Variants in MAST2 observed in about 807,000 individuals in gnomAD.
MAST2 encodes microtubule-associated serine/threonine-protein kinase 2.
MAST2 carries 70 observed loss-of-function variants against 147.4 expected under a neutral mutation model. The ratio of observed to expected loss-of-function variants is 0.47; its 90% CI spans 0.39 to 0.58. The LOEUF (loss-of-function observed/expected upper bound fraction) is 0.58. Ranked by LOEUF, MAST2 falls within the 20% of genes least tolerant of loss-of-function variation. MAST2 has a pLI of 0.00. For synonymous variants in MAST2, 869 were observed against 896.8 expected (o/e 0.97, Z 0.55); for missense variants, 2,080 against 2,302.3 (o/e 0.90, Z 1.98).
At position 46,035,674 on chromosome 1, in the gene MAST2, T is replaced by A. The variant is rs1052551583; in HGVS notation, c.5005T>A (p.Ser1669Thr). ...KSLIEGPDRASPSRKATMAGG... is the reference protein window; with the variant it reads ...KSLIEGPDRATPSRKATMAGG... ...CCTTATTGAGGGCCCAGACAGGGCA[T>A]CCCCAAGCAGAAAGGCAACCATGGC... Residue 1669 changes from serine (S) to threonine (T), a missense_variant, in exon 29 of 29, where the codon TCC (serine) becomes ACC (threonine). Physicochemically the swap from Ser to Thr is moderately conservative, Grantham distance 58 (BLOSUM62 1). Around this residue, in one of 4 missense-constraint regions of MAST2, gnomAD observed 1,278 missense variants for 1,304.2 expected, o/e 0.98. Transcript: ENST00000361297. The surrounding 1 kb of genome is among the most constrained non-coding windows in gnomAD (Gnocchi z 5.5). The A allele has an allele frequency of 5.0e-6, 8 of 1,613,644 alleles. No homozygotes were observed. Among genetic ancestry groups the A allele is most frequent in the Non-Finnish European group, 6.8e-6 (8 of 1,180,000 alleles).
At chr1:45,987,934 G>A (rs574108405) in intron 5 of MAST2, among the ~76,000 whole-genome samples, 1 of 151,540 alleles carries the variant, frequency 6.6e-6, no homozygotes, top group South Asian at 2.1e-4. Flanking sequence ...CTAATATAGT[G>A]TAGTGATATA....
intron 22 of MAST2, 84 bp downstream of exon 22, chr1:46,030,845 G>C: frequency 6.8e-7 from 1 of 1,481,404 alleles, no homozygotes; most frequent in Non-Finnish European, 9.0e-7. Flanking sequence ...CGATGCCAGG[G>C]AGGAGTGCAG....
chr1:46,011,337 G>A (rs1238921446), intron 10 of MAST2, among the ~76,000 whole-genome samples: 5 of 152,160 alleles, frequency 3.3e-5, no homozygotes, highest in Admixed American at 3.3e-4. Context: ...TTTATCCTCA[G>A]CCAAGGGAAA....
intron 10 of MAST2, 91 bp downstream of exon 10, chr1:46,011,030 T>A: frequency 8.8e-7 from 1 of 1,134,540 alleles, no homozygotes; most frequent in Non-Finnish European, 1.3e-6. Context: ...AGTGGTATTC[T>A]CAGTCTTCAC....
intron 4 of MAST2, among the ~76,000 whole-genome samples, chr1:45,934,023 A>C (rs1655799029): frequency 6.6e-6 from 1 of 151,964 alleles, no homozygotes; most frequent in African/African-American, 2.4e-5. Flanking sequence ...CACTCATGTA[A>C]TGAACGTAGT....
chr1:45,998,887 C>T (rs1039691423), intron 6 of MAST2, among the ~76,000 whole-genome samples: 7 of 152,232 alleles, frequency 4.6e-5, no homozygotes, highest in African/African-American at 7.2e-5. Context: ...GCCATCATTC[C>T]GAGCTAATTT....
At chr1:45,855,366 A>G (rs565784214) in intron 3 of MAST2, among the ~76,000 whole-genome samples, 2 of 152,042 alleles carry the variant, frequency 1.3e-5, no homozygotes, top group Admixed American at 1.3e-4. Context: ...CTGACCCATG[A>G]AAATAGTGTG....
At chr1:45,807,920 A>G (rs987939240) in intron 1 of MAST2, among the ~76,000 whole-genome samples, 10 of 152,230 alleles carry the variant, frequency 6.6e-5, no homozygotes, top group Admixed American at 2.0e-4. Context: ...TAAAAAGGCC[A>G]AAATTTTCAT....
At chr1:45,866,597 G>A (rs1646160819) in intron 3 of MAST2, among the ~76,000 whole-genome samples, 1 of 152,114 alleles carries the variant, frequency 6.6e-6, no homozygotes, top group Non-Finnish European at 1.5e-5. Flanking sequence ...TCAGTCTCTA[G>A]TATTTGCTAC....
In MAST2 at chr1:46,034,182, C is replaced by T. The variant is rs1326218355; in HGVS notation, c.3784C>T (p.Pro1262Ser). The change falls in exon 28 of 29, where the codon CCA (proline) becomes TCA (serine). Residue 1262 changes from proline (P) to serine (S), a missense_variant. By Grantham distance (74) the Pro-to-Ser change is moderately conservative (BLOSUM62 -1). Transcript: ENST00000361297. The part of the protein sequence containing the change: ...NRSLSSGESG[P>S]GSPTHSHSLS... ...CTCCTTGTCATCAGGGGAGAGTGGG[C>T]CAGGCTCTCCCACACACAGCCACAG... is the stretch of plus-strand genomic sequence containing the variant. 6.2e-7 allele frequency: 1 copy of T among 1,614,128 alleles called. No homozygotes were observed. The highest frequency in any genetic ancestry group is 1.7e-5 in the Admixed American group (1 of 60,020).
In MAST2 at chr1:46,027,045, A is replaced by G. The variant is rs925795003; in HGVS notation, c.1920-686A>G. On this transcript the variant is annotated intron_variant, in intron 16 of 28. Transcript: ENST00000361297. ...TTATTGTTTTTCACTGAGGAGGGGAACCAGTTGGGAGGCATGACTTTGTTT... is the reference window on the plus strand; with the variant it reads ...TTATTGTTTTTCACTGAGGAGGGGAGCCAGTTGGGAGGCATGACTTTGTTT... Among the ~76,000 whole-genome samples the G allele has an allele frequency of 3.9e-5, 6 of 152,152 alleles. No homozygotes were observed. In the South Asian group the frequency reaches 1.0e-3, roughly 26 times the overall value.
intron 18 of MAST2, 37 bp from the exon 19 acceptor site, chr1:46,029,429 C>G: frequency 6.4e-7 from 1 of 1,557,106 alleles, no homozygotes; most frequent in Non-Finnish European, 8.8e-7. Context: ...ACTCTACCCA[C>G]AATTTCTCCT....
In MAST2 at chr1:46,035,591, G is replaced by A; in HGVS notation, c.4922G>A (p.Ser1641Asn). Reference sequence around the variant, plus strand: ...AGCACTTCGGGACTCACCCCCACCAGCAGTTGCTCTCCTCCCAGCTCCACC... The same window carrying A: ...AGCACTTCGGGACTCACCCCCACCAACAGTTGCTCTCCTCCCAGCTCCACC... ...SPSTSGLTPT[S>N]SCSPPSSTSG... Residue 1641 changes from serine (S) to asparagine (N), a missense_variant, in exon 29 of 29, where the codon AGC becomes AAC. Physicochemically the swap from Ser to Asn is conservative, Grantham distance 46. This residue lies in a region of MAST2 where 1,278 missense variants were observed against 1,304.2 expected (regional missense o/e 0.98). Coordinates refer to ENST00000361297, the MANE Select transcript of MAST2 (RefSeq NM_015112.3). The surrounding 1 kb of genome is among the most constrained non-coding windows in gnomAD (Gnocchi z 5.5). 1 of 1,613,772 alleles carries A rather than the reference G, an allele frequency of 6.2e-7. No individual in the cohort carries two copies. The highest frequency in any genetic ancestry group is 1.1e-5 in the South Asian group (1 of 91,076).
intron 4 of MAST2, among the ~76,000 whole-genome samples, chr1:45,886,750 T>G (rs540919313): frequency 1.3e-5 from 2 of 152,344 alleles, no homozygotes; most frequent in Admixed American, 1.3e-4. Context: ...TCTGAATGGC[T>G]TTTCTTGCCC....
intron 5 of MAST2, among the ~76,000 whole-genome samples, chr1:45,976,928 T>G (rs1305747995): frequency 6.6e-6 from 1 of 152,196 alleles, no homozygotes; most frequent in Admixed American, 6.5e-5. Context: ...CAGGATCAAA[T>G]TTACACGTAT....
chr1:45,825,814 C>T (rs921863470), intron 2 of MAST2, among the ~76,000 whole-genome samples: 17 of 151,952 alleles, frequency 1.1e-4, no homozygotes, highest in South Asian at 1.0e-3. Context: ...TGGTGGCTCA[C>T]GCCCGTAATC....
intron 4 of MAST2, among the ~76,000 whole-genome samples, chr1:45,952,655 A>G (rs1366247806): frequency 6.6e-6 from 1 of 152,220 alleles, no homozygotes; most frequent in South Asian, 2.1e-4. Flanking sequence ...AACAGGAGCC[A>G]TAAGACTACA....
At chr1:45,922,688 T>A (rs1259837266) in intron 4 of MAST2, among the ~76,000 whole-genome samples, 2 of 152,156 alleles carry the variant, frequency 1.3e-5, no homozygotes, top group Non-Finnish European at 2.9e-5. Context: ...AGTTCAGAGA[T>A]GCCTGGGTCT....
At position 46,031,639 on chromosome 1, in the gene MAST2, T is replaced by G; in HGVS notation, c.3187+54T>G. The G allele has an allele frequency of 5.7e-4, 864 of 1,502,904 alleles. No individual in the cohort carries two copies. The highest frequency in any genetic ancestry group is 7.2e-4 in the Non-Finnish European group (783 of 1,093,894). 93.1% of individuals were successfully genotyped at this position (1,502,904 alleles called of 1,614,324 possible). On this transcript the variant is annotated intron_variant, in intron 24 of 28. Coordinates refer to ENST00000361297, the MANE Select transcript of MAST2 (RefSeq NM_015112.3). This position sits in a 1 kb window ranked among gnomAD's most constrained non-coding sequence, Gnocchi z 4.1. The stretch of plus-strand genomic sequence containing the variant: ...CTCACAGGAAGGGCCTTGTAATCTC[T>G]AGGCCTTGGGAGGGTTCTGCACGTG...
Sources: gnomAD v4.1 joint callset for allele counts (sites outside exome capture counted in the v4.1 genomes callset) on GRCh38, gnomAD v4.1.1 for gene constraint, gnomAD v4.1.1 regional missense constraint, Gnocchi (gnomAD v3.1) non-coding constraint, MANE v1.5 for transcripts, NCBI Gene and HGNC (gene_info 2026-07-23, HGNC 2026-07-21) for gene names.